GLB1: variants seen among roughly 807,000 people sequenced by gnomAD.
The protein encoded by GLB1 is galactosidase beta 1.
Under a neutral mutation model 74.0 loss-of-function variants are expected in GLB1, and 56 were observed. The ratio of observed to expected loss-of-function variants is 0.76; its 90% CI spans 0.61 to 0.94. The LOEUF is 0.94. Among genes scored for constraint, GLB1 ranks in the 40% least tolerant of loss-of-function variants. The pLI is 0.00. For synonymous variants in GLB1, 323 were observed against 323.6 expected (o/e 1.00, Z 0.02); for missense variants, 787 against 845.5 (o/e 0.93, Z 0.86).
chr3:33,012,166 T>C (rs1235784369), intron 15 of GLB1, among the ~76,000 whole-genome samples: 1 of 152,146 alleles, frequency 6.6e-6, no homozygotes, highest in Admixed American at 6.5e-5. Context: ...CAATCATCTA[T>C]ACAACAATGA....
chr3:32,975,732 A>G, the GLB1 span, among the ~76,000 whole-genome samples: 119,068 of 152,202 alleles, frequency 0.78, 48,464 homozygotes, highest in East Asian at 1. Flanking sequence ...AACAGTGAAC[A>G]AGATCAACAA....
intron 1 of GLB1, chr3:33,090,341 A>G (rs941128024): frequency 6.3e-6 from 6 of 947,020 alleles, no homozygotes. Context: ...CATGCTTGTT[A>G]AAGCTGGGAG....
chr3:33,074,361 G>GAAAGA (rs1559412798), intron 1 of GLB1, among the ~76,000 whole-genome samples: 22 of 18,940 alleles, frequency 1.2e-3, no homozygotes, highest in African/African-American at 6.5e-3. Context: ...AGGAAGGAAG[G>GAAAGA]AAGGAAGGAA....
At chr3:33,053,611 A>G in intron 6 of GLB1, 62 bp from the exon 7 acceptor site, 2 of 1,609,328 alleles carry the variant, frequency 1.2e-6, no homozygotes, top group South Asian at 1.1e-5. Context: ...TTAAATAACA[A>G]GAGCCCTTCA....
chr3:32,993,852 A>G (rs1696264269), downstream of GLB1, among the ~76,000 whole-genome samples: 1 of 151,890 alleles, frequency 6.6e-6, no homozygotes, highest in Non-Finnish European at 1.5e-5. Flanking sequence ...TATTTTTAGT[A>G]GAGATGAGGT....
intron 15 of GLB1, among the ~76,000 whole-genome samples, chr3:33,005,048 G>A (rs1273792557): frequency 6.6e-6 from 1 of 152,154 alleles, no homozygotes; most frequent in African/African-American, 2.4e-5. Flanking sequence ...AGAAAACCAG[G>A]AGAAGTTTGG....
At chr3:33,083,818 T>C (rs1700411958) in intron 1 of GLB1, among the ~76,000 whole-genome samples, 1 of 152,190 alleles carries the variant, frequency 6.6e-6, no homozygotes, top group South Asian at 2.1e-4. Flanking sequence ...GTTTAGATTA[T>C]TTCAGTAATA....
chr3:32,977,365 C>T, the GLB1 span, among the ~76,000 whole-genome samples: 2 of 152,052 alleles, frequency 1.3e-5, no homozygotes, highest in African/African-American at 4.8e-5. Context: ...ACCACCACAC[C>T]TGGCTAATTT....
the GLB1 span, among the ~76,000 whole-genome samples, chr3:32,986,971 G>T: frequency 2.6e-5 from 4 of 152,176 alleles, no homozygotes; most frequent in Non-Finnish European, 4.4e-5. Context: ...TCAGTTTAGA[G>T]ACCGACAGCA....
At chr3:33,022,767 C>T (rs1451011934) in intron 11 of GLB1, among the ~76,000 whole-genome samples, 2 of 151,636 alleles carry the variant, frequency 1.3e-5, no homozygotes, top group Non-Finnish European at 2.9e-5. Flanking sequence ...ACCATGTTGG[C>T]CAGGCTGGTC....
chr3:32,969,602 G>A, the GLB1 span, among the ~76,000 whole-genome samples: 88 of 152,276 alleles, frequency 5.8e-4, no homozygotes, highest in Non-Finnish European at 8.7e-4. Context: ...TTCCCCTCCC[G>A]GAGATCCCAA....
chr3:33,086,467 C>G (rs994348953), intron 1 of GLB1, among the ~76,000 whole-genome samples: 9 of 152,180 alleles, frequency 5.9e-5, no homozygotes, highest in African/African-American at 2.2e-4. Flanking sequence ...GAAATAATGA[C>G]ATTAGGCAAC....
intron 1 of GLB1, chr3:33,090,764 G>A (rs903204642): frequency 1.0e-4 from 103 of 985,230 alleles, no homozygotes; most frequent in Non-Finnish European, 1.1e-4. Flanking sequence ...AACCACATAC[G>A]AGAGGGTGTT....
downstream of GLB1, among the ~76,000 whole-genome samples, chr3:32,994,266 A>G (rs1353232552): frequency 6.6e-6 from 1 of 152,222 alleles, no homozygotes; most frequent in East Asian, 1.9e-4. Context: ...ATTCCTGAAC[A>G]TGCTACAACA....
chr3:33,086,970 A>G (rs1700525679), intron 1 of GLB1, among the ~76,000 whole-genome samples: 2 of 151,990 alleles, frequency 1.3e-5, no homozygotes, highest in South Asian at 4.1e-4. Flanking sequence ...AAAAGAGAAT[A>G]GAAAGATAGT....
chr3:33,000,547 T>A (rs934029813), intron 15 of GLB1, among the ~76,000 whole-genome samples: 2 of 152,028 alleles, frequency 1.3e-5, no homozygotes, highest in African/African-American at 4.8e-5. Flanking sequence ...GTCAATATGG[T>A]GAAACCCTGT....
chr3:32,988,591 A>G, the GLB1 span, among the ~76,000 whole-genome samples: 5,529 of 152,270 alleles, frequency 0.036, 185 homozygotes, highest in East Asian at 0.087. Flanking sequence ...TGGAAAGAAA[A>G]CCAGACAGTT....
chr3:33,058,158 C>T lies in GLB1; in HGVS notation c.664G>A (p.Gly222Arg), dbSNP rs1384894867. The change falls in exon 6 of 16, where the codon GGA (glycine) becomes AGA (arginine). Residue 222 changes from glycine (G) to arginine (R), a missense_variant. Coordinates refer to ENST00000307363, the MANE Select transcript of GLB1 (RefSeq NM_000404.4). ...GDDVVLFTTD[G>R]AHKTFLKCGA... ...CATTTCAGGAATGTTTTATGTGCTC[C>T]ATCAGTGGTAAACAGAACCACATCA... 1.2e-6 allele frequency: 2 copies of T among 1,614,082 alleles called. No individual in the cohort carries two copies. Among genetic ancestry groups the T allele is most frequent in the South Asian group, 2.2e-5 (2 of 91,062 alleles).
At chr3:32,989,335 C>T in the GLB1 span, among the ~76,000 whole-genome samples, 5 of 152,226 alleles carry the variant, frequency 3.3e-5, no homozygotes, top group Admixed American at 6.5e-5. Flanking sequence ...TAAAGTTCCA[C>T]GTACCTTCTC....
Sources: gnomAD v4.1 joint callset for allele counts (sites outside exome capture counted in the v4.1 genomes callset) on GRCh38, gnomAD v4.1.1 for gene constraint, MANE v1.5 for transcripts, NCBI Gene and HGNC (gene_info 2026-07-23, HGNC 2026-07-21) for gene names.